ATP13A4: variants seen among roughly 807,000 people sequenced by gnomAD.
ATP13A4 encodes the protein probable cation-transporting ATPase 13A4.
A neutral mutation model predicts 142.5 loss-of-function variants in ATP13A4; 114 were observed. The ratio of observed to expected loss-of-function variants is 0.80; its 90% CI spans 0.69 to 0.93. The LOEUF is 0.93. ATP13A4 is among the 40% of genes least tolerant of loss of function. The pLI is 0.00. For missense variants in ATP13A4, 1,392 were observed against 1,454.0 expected (o/e 0.96, Z 0.69); for synonymous variants, 488 against 514.8 (o/e 0.95, Z 0.70).
At chr3:193,404,502 AG>A (rs1386053764) in intron 29 of ATP13A4, among the ~76,000 whole-genome samples, 3 of 152,194 alleles carry the variant, frequency 2.0e-5, no homozygotes, top group Admixed American at 6.5e-5. Flanking sequence ...TGTTGCAGGA[AG>A]GGCTGGATGG....
intron 16 of ATP13A4, 106 bp from the exon 17 acceptor site, chr3:193,454,318 T>C: frequency 1.3e-6 from 1 of 795,672 alleles, no homozygotes; most frequent in African/African-American, 1.7e-5. Context: ...AACACACTTC[T>C]ACAAAGATAT....
intron 1 of ATP13A4, among the ~76,000 whole-genome samples, chr3:193,526,279 T>C (rs1721998459): frequency 6.6e-6 from 1 of 152,046 alleles, no homozygotes; most frequent in South Asian, 2.1e-4. Flanking sequence ...TAAAAAAGAA[T>C]AAGACCATGT....
At chr3:193,425,729 G>A (rs902019278) in intron 25 of ATP13A4, among the ~76,000 whole-genome samples, 1 of 151,738 alleles carries the variant, frequency 6.6e-6, no homozygotes, top group Non-Finnish European at 1.5e-5. Flanking sequence ...GAGAGGAGAA[G>A]GGGATGGAGA....
chr3:193,412,088 C>T (rs544145833), intron 27 of ATP13A4, 90 bp downstream of exon 27: 4 of 1,174,450 alleles, frequency 3.4e-6, no homozygotes, highest in Admixed American at 1.7e-5. Context: ...AGATAAGAAT[C>T]AACTCTAAAG....
At chr3:193,470,746 G>C in intron 9 of ATP13A4, 113 bp downstream of exon 9, 2 of 1,501,580 alleles carry the variant, frequency 1.3e-6, no homozygotes, top group Non-Finnish European at 1.8e-6. Flanking sequence ...ATAGCAGCCA[G>C]TGCTTTACAG....
At chr3:193,403,215 G>A (rs1521277) in intron 29 of ATP13A4, among the ~76,000 whole-genome samples, 134,204 of 152,250 alleles carry the variant, frequency 0.88, 59,217 homozygotes, top group Middle Eastern at 0.91. Flanking sequence ...TCTATATTTT[G>A]TTTAATATAA....
chr3:193,517,601 C>A (rs1721489270), intron 1 of ATP13A4, among the ~76,000 whole-genome samples: 1 of 152,220 alleles, frequency 6.6e-6, no homozygotes, highest in African/African-American at 2.4e-5. Context: ...CTGCCTCAGC[C>A]TCCCGAGTAG....
chr3:193,552,271 C>T (rs778360320), intron 1 of ATP13A4, among the ~76,000 whole-genome samples: 2 of 152,206 alleles, frequency 1.3e-5, no homozygotes, highest in Non-Finnish European at 2.9e-5. Context: ...CATGCCCAGC[C>T]TGTTTTTGGT....
At chr3:193,511,036 T>C (rs918852674) in intron 2 of ATP13A4, among the ~76,000 whole-genome samples, 9 of 152,254 alleles carry the variant, frequency 5.9e-5, no homozygotes, top group African/African-American at 2.2e-4. Flanking sequence ...AGTAAGAATG[T>C]TTGAAATAAT....
rs540844287 is a variant in ATP13A4, at chr3:193,531,826, C to T, written c.61-16955G>A. On this transcript the variant is annotated intron_variant, in intron 1 of 29. Coordinates refer to ENST00000342695, the MANE Select transcript of ATP13A4 (RefSeq NM_032279.4). ...TACTGTTTCTCTTGGGGGAAACCTC[C>T]TTATTGGTAAGTGAAAAGTCAAGAG... is the stretch of plus-strand genomic sequence containing the variant. Among the ~76,000 whole-genome samples the T allele has an allele frequency of 4.8e-4, 73 of 152,220 alleles. 2 individuals are homozygous for T. In the South Asian group the frequency reaches 0.015, roughly 31 times the overall value.
chr3:193,589,180 A>G (rs115766297), intron 1 of ATP13A4, among the ~76,000 whole-genome samples: 4,385 of 151,312 alleles, frequency 0.029, 189 homozygotes, highest in African/African-American at 0.095. Context: ...ATATATATAT[A>G]TGTGTGTGTG....
rs1560169560 is a variant in ATP13A4, at chr3:193,412,238, T to C, written c.3148A>G (p.Ile1050Val). The C allele has an allele frequency of 1.2e-6, 2 of 1,613,522 alleles. No individual in the cohort carries two copies. The highest frequency in any genetic ancestry group is 1.3e-5 in the African/African-American group (1 of 75,030). ...TTAGAGAACACAAGAGCCACAGTGA[T>C]ACAGTTGATTGTTCCCAAGAACCAG... The part of the protein sequence containing the change: ...TVWFLGTINC[I>V]TVALVFSKGK... The change falls in exon 27 of 30, where the codon ATC (isoleucine) becomes GTC (valine). Residue 1050 changes from isoleucine (I) to valine (V), a missense_variant. Coordinates refer to ENST00000342695, the MANE Select transcript of ATP13A4 (RefSeq NM_032279.4).
rs1013921818 is a variant in ATP13A4 at position 193,510,957 on chromosome 3, T to C, written c.234+3741A>G. Reference sequence around the variant, plus strand: ...AAATCTTTTTAAGATGTCATTTTAATGCAAATAACCTAGCAGCAAACTTTT... The same window carrying C: ...AAATCTTTTTAAGATGTCATTTTAACGCAAATAACCTAGCAGCAAACTTTT... On this transcript the variant is annotated intron_variant, in intron 2 of 29. Coordinates refer to ENST00000342695, the MANE Select transcript of ATP13A4 (RefSeq NM_032279.4). Among the ~76,000 whole-genome samples the C allele has an allele frequency of 4.6e-5, 7 of 152,356 alleles. No homozygotes were observed. The South Asian group carries it at 1.0e-3, about 23-fold the overall frequency.
At chr3:193,422,106 A>G (rs970136227) in intron 25 of ATP13A4, among the ~76,000 whole-genome samples, 4 of 150,092 alleles carry the variant, frequency 2.7e-5, no homozygotes, top group African/African-American at 9.8e-5. Flanking sequence ...AGAAGAAGAT[A>G]TTCTATGCAA....
rs1160026652 is a variant in ATP13A4 at position 193,466,130 on chromosome 3, T to G, written c.1167A>C (p.Pro389=). The G allele has an allele frequency of 3.1e-6, 5 of 1,614,042 alleles. No homozygotes were observed. The African/African-American group carries it at 4.0e-5, about 13-fold the overall frequency. The part of the protein sequence containing the change: ...DLVRSILYPK[P]VNFQLYRDAI... ...CATCCCTGTACAACTGAAAATTCAC[T>G]GGCTTAGGGTAGAGAATGGATCTCA... Residue 389 remains proline (P), a synonymous_variant, in exon 11 of 30, where the codon CCA becomes CCC. Coordinates refer to ENST00000342695, the MANE Select transcript of ATP13A4 (RefSeq NM_032279.4).
intron 23 of ATP13A4, among the ~76,000 whole-genome samples, 200 bp downstream of exon 23, chr3:193,438,275 G>A (rs1716417488): frequency 1.3e-5 from 2 of 152,166 alleles, no homozygotes; most frequent in Non-Finnish European, 2.9e-5. Context: ...TGAATTCACT[G>A]GAAATGCCAC....
chr3:193,508,792 G>A (rs2108681030), intron 2 of ATP13A4, among the ~76,000 whole-genome samples: 1 of 152,248 alleles, frequency 6.6e-6, no homozygotes, highest in African/African-American at 2.4e-5. Flanking sequence ...TCTCAACTGT[G>A]ACATTCCACT....
At chr3:193,474,322 C>CAAAAAA (rs1176133187) in intron 8 of ATP13A4, among the ~76,000 whole-genome samples, 96 of 69,048 alleles carry the variant, frequency 1.4e-3, no homozygotes, top group Non-Finnish European at 1.7e-3. Context: ...GACTCCGTCT[C>CAAAAAA]AAAAAAAAAA....
upstream of ATP13A4, among the ~76,000 whole-genome samples, chr3:193,556,957 T>C (rs1723911800): frequency 6.6e-6 from 1 of 152,210 alleles, no homozygotes; most frequent in African/African-American, 2.4e-5. Context: ...TCAGTGCTCC[T>C]GGGCAGGTGA....
Sources: gnomAD v4.1 joint callset for allele counts (sites outside exome capture counted in the v4.1 genomes callset) on GRCh38, gnomAD v4.1.1 for gene constraint, MANE v1.5 for transcripts, NCBI Gene and HGNC (gene_info 2026-07-23, HGNC 2026-07-21) for gene names.